Variants in PRR16 observed in about 807,000 individuals in gnomAD.
PRR16 encodes proline rich 16, also known as protein Largen.
Under a neutral mutation model 18.2 loss-of-function variants are expected in PRR16, and 6 were observed. The observed-to-expected ratio is 0.33, with a 90% CI of 0.18 to 0.65. The LOEUF (loss-of-function observed/expected upper bound fraction) is 0.65, where lower values mean the gene tolerates loss of function less well. Ranked by LOEUF, PRR16 falls within the 30% of genes least tolerant of loss-of-function variation. The pLI, the probability that PRR16 is intolerant of heterozygous loss-of-function variation, is 0.74. For missense variants in PRR16, 412 were observed against 376.6 expected, an observed-to-expected ratio of 1.09 and a Z score of -0.78; for synonymous variants, 151 against 147.8, an observed-to-expected ratio of 1.02 and a Z score of -0.16.
At chr5:120,483,172 A>G (rs892948182) in intron 1 of PRR16, among the ~76,000 whole-genome samples, 5 of 152,136 alleles carry the variant, frequency 3.3e-5, no homozygotes, top group Non-Finnish European at 1.5e-5. Flanking sequence ...GTGATACCCT[A>G]TTTCAACACA....
downstream of PRR16, among the ~76,000 whole-genome samples, chr5:120,688,922 C>G (rs952448702): frequency 6.6e-6 from 1 of 152,158 alleles, no homozygotes; most frequent in African/African-American, 2.4e-5. Context: ...GTTTCTCTTT[C>G]TCTAAGTATA....
intron 1 of PRR16, among the ~76,000 whole-genome samples, chr5:120,613,521 C>T (rs1193527549): frequency 6.6e-6 from 1 of 151,810 alleles, no homozygotes; most frequent in African/African-American, 2.4e-5. Context: ...ATGTAGGCTT[C>T]CATTTGGGAA....
chr5:120,716,058 C>G, the PRR16 span, among the ~76,000 whole-genome samples: 2 of 152,186 alleles, frequency 1.3e-5, no homozygotes, highest in Non-Finnish European at 2.9e-5. Flanking sequence ...GCAGCAACAA[C>G]AACAACAAAT....
rs546128233 is a variant in PRR16 at position 120,473,606 on chromosome 5, T to C, written c.159+8961T>C. ...GCATTGTATGTGTGTCTGTCATTAG[T>C]GTTATTATTTGAATTTGTCTGAGCC... On this transcript the variant is annotated intron_variant, in intron 1 of 1. Coordinates refer to ENST00000407149, the MANE Select transcript of PRR16 (RefSeq NM_001300783.2). Among the ~76,000 whole-genome samples the C allele has an allele frequency of 9.2e-5, 14 of 152,258 alleles. 1 individual carries two copies. The South Asian group carries it at 2.9e-3, about 32-fold the overall frequency.
chr5:120,792,630 C>T, the PRR16 span, among the ~76,000 whole-genome samples: 5 of 152,098 alleles, frequency 3.3e-5, no homozygotes, highest in Non-Finnish European at 7.3e-5. Context: ...CAAGTCTCTC[C>T]TTGCTGGCCC....
chr5:120,619,922 C>T (rs773994427), intron 1 of PRR16, among the ~76,000 whole-genome samples: 2 of 151,822 alleles, frequency 1.3e-5, no homozygotes, highest in Non-Finnish European at 2.9e-5. Context: ...TCAATGTTTA[C>T]GTAAAAATAA....
chr5:120,767,165 T>C, the PRR16 span, among the ~76,000 whole-genome samples: 1 of 151,912 alleles, frequency 6.6e-6, no homozygotes, highest in African/African-American at 2.4e-5. Context: ...TTTTAAAGGG[T>C]TAAAAGTTAA....
the PRR16 span, among the ~76,000 whole-genome samples, chr5:120,769,502 C>A: frequency 6.6e-6 from 1 of 151,886 alleles, no homozygotes; most frequent in Non-Finnish European, 1.5e-5. Context: ...TACTGAACAA[C>A]TTCTCATTTT....
At chr5:120,672,973 T>C (rs1383499543) in intron 1 of PRR16, among the ~76,000 whole-genome samples, 1 of 152,170 alleles carries the variant, frequency 6.6e-6, no homozygotes, top group Non-Finnish European at 1.5e-5. Flanking sequence ...ATGTTTCCTT[T>C]GCCACACTTT....
At chr5:120,784,660 A>G in the PRR16 span, among the ~76,000 whole-genome samples, 1 of 152,202 alleles carries the variant, frequency 6.6e-6, no homozygotes, top group Non-Finnish European at 1.5e-5. Context: ...CAAAGACGAA[A>G]TACCTGTCTT....
At chr5:120,754,377 A>ATATATTAT in the PRR16 span, among the ~76,000 whole-genome samples, 1 of 52,500 alleles carries the variant, frequency 1.9e-5, no homozygotes, top group Non-Finnish European at 3.1e-5. Flanking sequence ...TATAATATAT[A>ATATATTAT]ACATATATAT....
chr5:120,661,844 T>C (rs1290559321), intron 1 of PRR16, among the ~76,000 whole-genome samples: 1 of 152,118 alleles, frequency 6.6e-6, no homozygotes, highest in Non-Finnish European at 1.5e-5. Context: ...TTTCAAGGAC[T>C]CGTAGTAGCT....
the PRR16 span, among the ~76,000 whole-genome samples, chr5:120,779,797 T>C: frequency 1.3e-5 from 2 of 152,142 alleles, no homozygotes; most frequent in African/African-American, 2.4e-5. Flanking sequence ...TTGGCATATC[T>C]GCTACTGCCA....
chr5:120,730,385 A>C, the PRR16 span, among the ~76,000 whole-genome samples: 1 of 152,178 alleles, frequency 6.6e-6, no homozygotes, highest in Non-Finnish European at 1.5e-5. Flanking sequence ...AACTTGTGGA[A>C]TATCCAGAAA....
rs386404833 is a variant in PRR16 at position 120,677,905 on chromosome 5, C to CTTTTTTTTTTTT, written c.160-8038_160-8027dup. On this transcript the variant is annotated intron_variant, in intron 1 of 1. Transcript: ENST00000407149. ...ACTAAACTGCTTTTTCTTTTTCTTTCTTTTTTTTTTTTTTTTTTTTTTGAG... is the reference window on the plus strand; with the variant it reads ...ACTAAACTGCTTTTTCTTTTTCTTTCTTTTTTTTTTTTTTTTTTTTTTTTTTTTTTTTTTGAG... Among the ~76,000 whole-genome samples, 564 of 93,124 alleles carry CTTTTTTTTTTTT rather than the reference C, an allele frequency of 6.1e-3. 7 individuals carry two copies. The highest frequency in any genetic ancestry group is 9.8e-3 in the Middle Eastern group (1 of 102). 61.1% of individuals were successfully genotyped at this position (93,124 alleles called of 152,430 possible).
intron 1 of PRR16, among the ~76,000 whole-genome samples, chr5:120,557,615 G>C (rs980338512): frequency 6.6e-6 from 1 of 151,824 alleles, no homozygotes; most frequent in Non-Finnish European, 1.5e-5. Context: ...CTCTTTGGTA[G>C]TTCTGGTGGT....
At chr5:120,705,766 TTC>T in the PRR16 span, among the ~76,000 whole-genome samples, 1 of 152,262 alleles carries the variant, frequency 6.6e-6, no homozygotes, top group South Asian at 2.1e-4. Context: ...CACAATGCTC[TTC>T]TCTGACTCTG....
At chr5:120,727,270 C>T in the PRR16 span, among the ~76,000 whole-genome samples, 205 of 151,960 alleles carry the variant, frequency 1.3e-3, 7 homozygotes, top group Non-Finnish European at 1.3e-3. Context: ...GCATACTTTT[C>T]TGGGATAATC....
At chr5:120,760,252 T>A in the PRR16 span, among the ~76,000 whole-genome samples, 1 of 152,282 alleles carries the variant, frequency 6.6e-6, no homozygotes, top group African/African-American at 2.4e-5. Context: ...GGATAAAAGT[T>A]GGGCATATCA....
Sources: allele counts gnomAD v4.1 joint callset (sites outside exome capture counted in the v4.1 genomes callset), GRCh38; gene constraint gnomAD v4.1.1; transcripts MANE v1.5; gene names NCBI Gene and HGNC (gene_info 2026-07-23, HGNC 2026-07-21).